Variants in SLC4A7 observed in about 807,000 individuals in gnomAD.
SLC4A7 encodes solute carrier family 4 member 7, also known as sodium bicarbonate cotransporter 3.
In SLC4A7, 51 loss-of-function variants were observed where a neutral mutation model predicts 137.6. The observed-to-expected ratio is 0.37, with a 90% CI of 0.30 to 0.47. The LOEUF is 0.47. SLC4A7 is among the 20% of genes least tolerant of loss of function. The pLI, the probability that SLC4A7 is intolerant of heterozygous loss-of-function variation, is 1.00. For missense variants in SLC4A7, 1,247 were observed against 1,525.4 expected, an observed-to-expected ratio of 0.82 and a Z score of 3.04; for synonymous variants, 542 against 518.6, an observed-to-expected ratio of 1.05 and a Z score of -0.61.
chr3:27,460,695 C>T (rs1479312656), intron 1 of SLC4A7, among the ~76,000 whole-genome samples: 5 of 152,138 alleles, frequency 3.3e-5, no homozygotes, highest in African/African-American at 1.2e-4. Flanking sequence ...ATATGCTTCA[C>T]GATGAATATA....
chr3:27,456,400 T>G (rs1419482597), intron 1 of SLC4A7, among the ~76,000 whole-genome samples: 1 of 152,186 alleles, frequency 6.6e-6, no homozygotes, highest in Non-Finnish European at 1.5e-5. Context: ...ACCAAATAAT[T>G]TTTAAAGACT....
chr3:27,431,697 G>T (rs375491370), intron 6 of SLC4A7, 28 bp from the exon 7 acceptor site: 33 of 1,502,700 alleles, frequency 2.2e-5, no homozygotes, highest in Middle Eastern at 3.6e-4. Context: ...AATGAAAAAT[G>T]ATGAAGTCCA....
intron 3 of SLC4A7, among the ~76,000 whole-genome samples, chr3:27,448,085 G>C (rs560469714): frequency 5.9e-5 from 9 of 151,660 alleles, no homozygotes. Context: ...GGTGGCGTGC[G>C]CCTGTAATCT....
Position 27,433,980 on chromosome 3 carries a change from A to G in SLC4A7, c.714T>C (p.Pro238=). ...QNEKRFTSRI[P]LVRSFADIGK... is the part of the protein sequence containing the mutation. ...CTATATCTGCAAAAGATCGAACAAG[A>G]GGAATCCGACTGGTGAATCTTTTCT... Residue 238 remains proline (P), a synonymous_variant, in exon 6 of 26, where the codon CCT becomes CCC. Coordinates refer to ENST00000454389, the MANE Select transcript of SLC4A7 (RefSeq NM_001321103.2). The G allele has an allele frequency of 1.2e-6, 2 of 1,613,968 alleles. No individual in the cohort carries two copies. The highest frequency in any genetic ancestry group is 1.7e-6 in the Non-Finnish European group (2 of 1,179,918).
At chr3:27,471,440 T>C (rs1190248468) in intron 1 of SLC4A7, among the ~76,000 whole-genome samples, 1 of 152,180 alleles carries the variant, frequency 6.6e-6, no homozygotes, top group Non-Finnish European at 1.5e-5. Flanking sequence ...TTCACATTCT[T>C]GTTGCTCAGG....
At chr3:27,426,464 G>A (rs1479686170) in intron 7 of SLC4A7, among the ~76,000 whole-genome samples, 1 of 152,126 alleles carries the variant, frequency 6.6e-6, no homozygotes, top group Admixed American at 6.5e-5. Flanking sequence ...GGTGGCAAAC[G>A]CAGCTGAGCA....
chr3:27,484,228 A>C lies in SLC4A7; in HGVS notation c.-102T>G, dbSNP rs2059846900. 1 of 1,014,770 alleles carries C rather than the reference A, an allele frequency of 9.9e-7. No individual in the cohort carries two copies. Among genetic ancestry groups the C allele is most frequent in the Non-Finnish European group, 1.3e-6 (1 of 793,568 alleles). 62.9% of individuals were successfully genotyped at this position (1,014,770 alleles called of 1,614,324 possible). A position where few individuals can be genotyped will look rare whatever the true frequency, so the allele number is the denominator to read the frequency against. On this transcript the variant is annotated 5_prime_UTR_variant, in exon 1 of 26. Coordinates refer to ENST00000454389, the MANE Select transcript of SLC4A7 (RefSeq NM_001321103.2). ...GCCGCCGCCGAGCCCCCGGCGCGCG[A>C]GGACAAACGTGGGTGCGTCCGTGCG...
chr3:27,431,804 G>A, intron 6 of SLC4A7, 135 bp from the exon 7 acceptor site: 1 of 809,856 alleles, frequency 1.2e-6, no homozygotes, highest in East Asian at 3.0e-5. Flanking sequence ...GTGATGGTTA[G>A]CATGTCAATC....
At chr3:27,465,344 G>C (rs947298893) in intron 1 of SLC4A7, among the ~76,000 whole-genome samples, 3 of 140,298 alleles carry the variant, frequency 2.1e-5, no homozygotes, top group Non-Finnish European at 4.6e-5. Context: ...GTTTTAAGTA[G>C]ATACAACTTT....
chr3:27,402,329 A>G (rs181845445), intron 15 of SLC4A7, among the ~76,000 whole-genome samples: 124 of 152,342 alleles, frequency 8.1e-4, no homozygotes, highest in African/African-American at 3.0e-3. Flanking sequence ...TAGAATTTAA[A>G]AAGATTTTCA....
At chr3:27,427,845 C>T (rs1214176417) in intron 7 of SLC4A7, among the ~76,000 whole-genome samples, 1 of 152,026 alleles carries the variant, frequency 6.6e-6, no homozygotes, top group Non-Finnish European at 1.5e-5. Context: ...TCAAAAAGGC[C>T]GATAAATCTC....
intron 3 of SLC4A7, among the ~76,000 whole-genome samples, chr3:27,438,567 T>C (rs2056930221): frequency 1.3e-5 from 2 of 149,346 alleles, no homozygotes; most frequent in South Asian, 2.1e-4. Flanking sequence ...TAACATAACA[T>C]AAAATAACAA....
intron 17 of SLC4A7, 92 bp from the exon 18 acceptor site, chr3:27,397,889 C>A (rs372445716): frequency 5.4e-6 from 4 of 735,494 alleles, no homozygotes; most frequent in Non-Finnish European, 8.8e-6. Context: ...ATTGTCACTA[C>A]AACGTACAAA....
chr3:27,459,588 T>A (rs1048710262), intron 1 of SLC4A7, among the ~76,000 whole-genome samples: 1 of 152,180 alleles, frequency 6.6e-6, no homozygotes, highest in African/African-American at 2.4e-5. Flanking sequence ...TTTATGCAAA[T>A]GGAAATATAT....
chr3:27,465,474 T>C (rs1257114702), intron 1 of SLC4A7, among the ~76,000 whole-genome samples: 1 of 125,460 alleles, frequency 8.0e-6, no homozygotes, highest in African/African-American at 2.9e-5. Context: ...GTAGGCACAG[T>C]AAAAAAAAAA....
intron 25 of SLC4A7, among the ~76,000 whole-genome samples, chr3:27,377,736 C>T (rs1390420484): frequency 6.6e-6 from 1 of 152,142 alleles, no homozygotes; most frequent in East Asian, 1.9e-4. Flanking sequence ...AGTGACTCCA[C>T]ATACATGGAT....
chr3:27,442,840 C>T (rs956044069), intron 3 of SLC4A7, among the ~76,000 whole-genome samples: 4 of 151,970 alleles, frequency 2.6e-5, no homozygotes, highest in African/African-American at 9.7e-5. Context: ...ATCTCACCAA[C>T]TGAATTCCTG....
intron 25 of SLC4A7, 43 bp from the exon 26 acceptor site, chr3:27,376,888 A>C: frequency 1.0e-6 from 1 of 997,870 alleles, no homozygotes; most frequent in Middle Eastern, 3.3e-4. Context: ...TTAAAATATA[A>C]ATATTCAATT....
intron 7 of SLC4A7, among the ~76,000 whole-genome samples, chr3:27,429,528 A>C (rs559518140): frequency 5.3e-5 from 8 of 152,264 alleles, no homozygotes; most frequent in Non-Finnish European, 1.0e-4. Context: ...AATGAGAAAA[A>C]GAACACTTGA....
Sources: gnomAD v4.1 joint callset for allele counts (sites outside exome capture counted in the v4.1 genomes callset) on GRCh38, gnomAD v4.1.1 for gene constraint, MANE v1.5 for transcripts, NCBI Gene and HGNC (gene_info 2026-07-23, HGNC 2026-07-21) for gene names.